RSBN1L: variants seen among roughly 807,000 people sequenced by gnomAD.
RSBN1L encodes the protein lysine-specific demethylase RSBN1L.
A neutral mutation model predicts 67.7 loss-of-function variants in RSBN1L; 30 were observed. The observed-to-expected ratio is 0.44, with a 90% CI of 0.33 to 0.60. The LOEUF is 0.60. RSBN1L is among the 20% of genes least tolerant of loss of function. The pLI, the probability that RSBN1L is intolerant of heterozygous loss-of-function variation, is 0.02. For missense variants in RSBN1L, 992 were observed against 1,031.7 expected (o/e 0.96, Z 0.53); for synonymous variants, 433 against 387.0 (o/e 1.12, Z -1.39).
intron 3 of RSBN1L, among the ~76,000 whole-genome samples, chr7:77,758,840 A>G (rs1399125461): frequency 6.6e-6 from 1 of 152,226 alleles, no homozygotes; most frequent in Non-Finnish European, 1.5e-5. Context: ...CAAGAAATAA[A>G]TTAGATTTCT....
At chr7:77,707,859 T>G (rs915868752) in intron 1 of RSBN1L, among the ~76,000 whole-genome samples, 7 of 152,166 alleles carry the variant, frequency 4.6e-5, no homozygotes, top group African/African-American at 1.4e-4. Context: ...ATAATAATAA[T>G]AGCTAAAATG....
Position 77,781,646 on chromosome 7 carries a change from C to T in RSBN1L, c.*2478C>T, listed in dbSNP as rs750984574. On this transcript the variant is annotated 3_prime_UTR_variant, in exon 8 of 8. Coordinates refer to ENST00000334955, the MANE Select transcript of RSBN1L (RefSeq NM_198467.3). Reference sequence around the variant, plus strand: ...TTTTAGGTATAGTTTCCTATATAACCTATAGTCAGACTTATCTATAATATG... The same window carrying T: ...TTTTAGGTATAGTTTCCTATATAACTTATAGTCAGACTTATCTATAATATG... The T allele has an allele frequency of 7.2e-5, 11 of 152,076 alleles. No homozygotes were observed. The highest frequency in any genetic ancestry group is 6.2e-4 in the South Asian group (3 of 4,830). 9.4% of individuals were successfully genotyped at this position (152,076 alleles called of 1,614,324 possible). A position where few individuals can be genotyped will look rare whatever the true frequency, so the allele number is the denominator to read the frequency against.
intron 1 of RSBN1L, among the ~76,000 whole-genome samples, chr7:77,726,067 G>GT (rs1415943362): frequency 1.3e-5 from 2 of 151,944 alleles, no homozygotes; most frequent in Non-Finnish European, 2.9e-5. Flanking sequence ...GCCTTTATAA[G>GT]TTTTTTAGTA....
At chr7:77,728,825 G>A (rs983627015) in intron 1 of RSBN1L, among the ~76,000 whole-genome samples, 3 of 152,148 alleles carry the variant, frequency 2.0e-5, no homozygotes, top group Admixed American at 6.5e-5. Flanking sequence ...CACAGAAGTC[G>A]ATTTCTCTTA....
At chr7:77,761,327 G>C (rs1562807474) in intron 3 of RSBN1L, among the ~76,000 whole-genome samples, 1 of 152,064 alleles carries the variant, frequency 6.6e-6, no homozygotes, top group Non-Finnish European at 1.5e-5. Context: ...CCTAATATAG[G>C]AACTGATAGG....
intron 3 of RSBN1L, among the ~76,000 whole-genome samples, chr7:77,752,806 C>G (rs1198471277): frequency 2.0e-5 from 3 of 152,208 alleles, no homozygotes; most frequent in Non-Finnish European, 4.4e-5. Context: ...GCCAACCCCC[C>G]AGTCCCACCA....
At chr7:77,747,520 T>C (rs1418736073) in intron 2 of RSBN1L, among the ~76,000 whole-genome samples, 2 of 152,128 alleles carry the variant, frequency 1.3e-5, no homozygotes, top group Admixed American at 6.5e-5. Flanking sequence ...CAGGTATAGC[T>C]TGAGCCACTA....
intron 4 of RSBN1L, among the ~76,000 whole-genome samples, chr7:77,767,816 CCCCTCCCCCCTTCT>C (rs1245696690): frequency 3.3e-5 from 2 of 59,970 alleles, no homozygotes; most frequent in Non-Finnish European, 6.8e-5. Flanking sequence ...CTTCCTCTGC[CCCCTCCCCCCTTCT>C]CCCTCCCCCC....
rs759479899 is a variant in RSBN1L at position 77,750,082 on chromosome 7, T to C, written c.1344+18T>C. 2 of 1,441,038 alleles carry C rather than the reference T, an allele frequency of 1.4e-6. No individual in the cohort carries two copies. The highest frequency in any genetic ancestry group is 4.8e-5 in the East Asian group (2 of 41,364). The allele number at this position is 1,441,038 out of a possible 1,614,324, so 89.3% of individuals were successfully genotyped here. A position where few individuals can be genotyped will look rare whatever the true frequency, so the allele number is the denominator to read the frequency against. ...ATGCTCAGGTAAGAGGTTTTTAGTT[T>C]TATAAAATAACTTTTAATTATATAT... is the stretch of plus-strand genomic sequence containing the variant. On this transcript the variant is annotated intron_variant, in intron 3 of 7. Transcript: ENST00000334955.
At position 77,715,952 on chromosome 7, in the gene RSBN1L, T is replaced by C. The variant is rs138391144; in HGVS notation, c.586+18897T>C. ...TGTCTGTTATTGGGTTGTTTTCTTA[T>C]TATCAAATTGTGAAAGTTCTTTACA... On this transcript the variant is annotated intron_variant, in intron 1 of 7. Transcript: ENST00000334955. Among the ~76,000 whole-genome samples, 162 of 152,300 alleles carry C rather than the reference T, an allele frequency of 1.1e-3. 1 individual carries two copies. The highest frequency in any genetic ancestry group is 3.7e-3 in the African/African-American group (153 of 41,564).
intron 1 of RSBN1L, 181 bp downstream of exon 1, chr7:77,697,236 T>C: frequency 1.1e-5 from 6 of 553,556 alleles, no homozygotes; most frequent in Non-Finnish European, 1.3e-5. Context: ...ATGGAGCCTG[T>C]AATTTCGGTT....
At chr7:77,762,884 T>A (rs1014828605) in intron 3 of RSBN1L, among the ~76,000 whole-genome samples, 64 of 152,188 alleles carry the variant, frequency 4.2e-4, no homozygotes, top group African/African-American at 1.4e-3. Context: ...ATTGAAAGTT[T>A]AGTTGTGCTT....
At chr7:77,708,531 G>A (rs1790925609) in intron 1 of RSBN1L, among the ~76,000 whole-genome samples, 2 of 152,100 alleles carry the variant, frequency 1.3e-5, no homozygotes, top group Middle Eastern at 3.4e-3. Context: ...ACAGGCGTCC[G>A]CCACCGCGCC....
chr7:77,738,124 T>C (rs549928830), intron 2 of RSBN1L, among the ~76,000 whole-genome samples: 9 of 152,288 alleles, frequency 5.9e-5, no homozygotes, highest in African/African-American at 2.2e-4. Context: ...AGTTTTCTTA[T>C]TCATTTGAAA....
At chr7:77,770,987 GCT>G (rs1287541264) in intron 5 of RSBN1L, among the ~76,000 whole-genome samples, 1 of 152,192 alleles carries the variant, frequency 6.6e-6, no homozygotes, top group Non-Finnish European at 1.5e-5. Flanking sequence ...CTGTCGCCAG[GCT>G]GGAGTGCAGT....
At chr7:77,713,665 C>CTTTTT (rs751682740) in intron 1 of RSBN1L, among the ~76,000 whole-genome samples, 1 of 144,836 alleles carries the variant, frequency 6.9e-6, no homozygotes, top group African/African-American at 2.5e-5. Flanking sequence ...CTCTCTCTTC[C>CTTTTT]TTTTTTTTTT....
chr7:77,708,729 G>A (rs1451856839), intron 1 of RSBN1L, among the ~76,000 whole-genome samples: 3 of 152,162 alleles, frequency 2.0e-5, no homozygotes, highest in Admixed American at 6.6e-5. Context: ...TTTTTTAGGA[G>A]GGTGATAATA....
At chr7:77,702,418 T>A (rs1041551448) in intron 1 of RSBN1L, among the ~76,000 whole-genome samples, 17 of 152,220 alleles carry the variant, frequency 1.1e-4, no homozygotes, top group African/African-American at 4.1e-4. Flanking sequence ...GTTCTCCCTA[T>A]TATTTTTGGT....
At chr7:77,701,941 C>T (rs1365273498) in intron 1 of RSBN1L, among the ~76,000 whole-genome samples, 1 of 151,932 alleles carries the variant, frequency 6.6e-6, no homozygotes, top group Non-Finnish European at 1.5e-5. Context: ...GCGTGAGCCA[C>T]CGTGGCTGGC....
Sources: gnomAD v4.1 joint callset for allele counts (sites outside exome capture counted in the v4.1 genomes callset) on GRCh38, gnomAD v4.1.1 for gene constraint, MANE v1.5 for transcripts, NCBI Gene and HGNC (gene_info 2026-07-23, HGNC 2026-07-21) for gene names.